The following PLA2G4B variants were observed in gnomAD, a reference collection of about 807,000 sequenced individuals.
The protein encoded by PLA2G4B is cytosolic phospholipase A2 beta.
PLA2G4B carries 122 observed loss-of-function variants against 95.8 expected under a neutral mutation model. The observed-to-expected ratio is 1.27, with a 90% CI of 1.10 to 1.48. The LOEUF (loss-of-function observed/expected upper bound fraction) is 1.48. PLA2G4B is among the 40% of genes most tolerant of loss of function. The pLI, the probability that PLA2G4B is intolerant of heterozygous loss-of-function variation, is 0.00. For synonymous variants in PLA2G4B, 518 were observed against 421.5 expected (o/e 1.23, Z -2.80); for missense variants, 1,158 against 996.2 (o/e 1.16, Z -2.19).
chr15:41,841,463 G>T (rs2065430832), intron 6 of PLA2G4B, 54 bp from the exon 7 acceptor site: 7 of 1,613,378 alleles, frequency 4.3e-6, no homozygotes, highest in Non-Finnish European at 5.9e-6. Flanking sequence ...GCGAGGGTGG[G>T]GTCCCTGAAT....
At chr15:41,844,819 C>T (rs751666131) in intron 12 of PLA2G4B, 29 bp from the exon 13 acceptor site, 1 of 1,577,498 alleles carries the variant, frequency 6.3e-7, no homozygotes, top group Non-Finnish European at 8.6e-7. Context: ...CAGTGACAGC[C>T]CTCTGGCTTT....
In PLA2G4B at chr15:41,846,226, A is replaced by AAGAT. The variant is rs2065541251; in HGVS notation, c.1628_1631dup (p.Glu544AspfsTer13). 1.2e-6 allele frequency: 2 copies of AAGAT among 1,613,982 alleles called. No individual in the cohort carries two copies. The highest frequency in any genetic ancestry group is 8.5e-7 in the Non-Finnish European group (1 of 1,179,946). The stretch of plus-strand genomic sequence containing the variant: ...AGACAAGGAGCAGGTCCCCCTTCTG[A>AAGAT]AGATAGAAGAACCACCCTCAACAGC... On this transcript the variant is annotated frameshift_variant, in exon 17 of 20. Coordinates refer to ENST00000458483, the MANE Select transcript of PLA2G4B (RefSeq NM_001114633.2). LOFTEE classifies it high-confidence loss of function.
chr15:41,847,589 C>T (rs1173338054), intron 19 of PLA2G4B, 60 bp from the exon 20 acceptor site: 3 of 1,610,610 alleles, frequency 1.9e-6, no homozygotes, highest in Non-Finnish European at 2.5e-6. Flanking sequence ...TCCCCTGTGC[C>T]TCTCCAAACC....
At chr15:41,843,314 A>G (rs2065470431) in intron 10 of PLA2G4B, 1 of 183,602 alleles carries the variant, frequency 5.4e-6, no homozygotes, top group South Asian at 1.6e-4. Context: ...CTCAAGTTAT[A>G]TGCCTGCCTC....
intron 10 of PLA2G4B, 101 bp downstream of exon 10, chr15:41,842,692 C>T (rs1018932583): frequency 1.0e-5 from 16 of 1,524,990 alleles, no homozygotes; most frequent in Non-Finnish European, 1.4e-5. Context: ...AGCCGCCCCT[C>T]ATCCTCATGC....
At position 41,842,592 on chromosome 15, in the gene PLA2G4B, G is replaced by A; in HGVS notation, c.743+1G>A. The A allele has an allele frequency of 1.2e-6, 2 of 1,609,018 alleles. No homozygotes were observed. Among genetic ancestry groups the A allele is most frequent in the African/African-American group, 1.3e-5 (1 of 74,532 alleles). ...GAGTGGAGCTGAAAAAAGAAGCAGG[G>A]TGAGAGGCCTGGCTGGGGACTGGGC... On this transcript the variant is annotated splice_donor_variant, in intron 10 of 19. Transcript: ENST00000458483. LOFTEE classifies it high-confidence loss of function.
At position 41,840,208 on chromosome 15, in the gene PLA2G4B, T is replaced by C; in HGVS notation, c.60T>C (p.His20=). 1 of 1,613,256 alleles carries C rather than the reference T, an allele frequency of 6.2e-7. No individual in the cohort carries two copies. Among genetic ancestry groups the C allele is most frequent in the Non-Finnish European group, 8.5e-7 (1 of 1,180,008 alleles). ...TCACGGTTCGTGTCCTGCAGGCCCA[T>C]CGCCTACCCTCTAAGGACCTAGGTG... The part of the protein sequence containing the change: ...CLLTVRVLQA[H]RLPSKDLVTP... Residue 20 remains histidine, a synonymous_variant, in exon 2 of 20, where the codon CAT becomes CAC. Coordinates refer to ENST00000458483, the MANE Select transcript of PLA2G4B (RefSeq NM_001114633.2).
At chr15:41,846,444 A>G in intron 17 of PLA2G4B, 62 bp downstream of exon 17, 1 of 1,560,012 alleles carries the variant, frequency 6.4e-7, no homozygotes, top group Admixed American at 1.7e-5. Flanking sequence ...CAGTCCAGAT[A>G]CCCCTCACAG....
chr15:41,844,656 G>A (rs765657054), intron 12 of PLA2G4B, 49 bp downstream of exon 12: 6 of 1,612,220 alleles, frequency 3.7e-6, no homozygotes, highest in Non-Finnish European at 5.1e-6. Flanking sequence ...AGGGGGTGCT[G>A]GTGCCAGGGT....
At position 41,840,155 on chromosome 15, in the gene PLA2G4B, C is replaced by G. The variant is rs539537890; in HGVS notation, c.10-3C>G. On this transcript the variant is annotated splice_polypyrimidine_tract_variant and splice_region_variant and intron_variant, in intron 1 of 19. Coordinates refer to ENST00000458483, the MANE Select transcript of PLA2G4B (RefSeq NM_001114633.2). The stretch of plus-strand genomic sequence containing the variant: ...GCAGGTCTCCCCTCTCCCACCTCTG[C>G]AGGCAGAGGTGTCCAGGACCTGCCT... The G allele has an allele frequency of 1.2e-6, 2 of 1,612,762 alleles. No individual in the cohort carries two copies. The highest frequency in any genetic ancestry group is 2.7e-5 in the African/African-American group (2 of 74,922).
rs1007591907 is a variant in PLA2G4B, at chr15:41,845,026, A to G, written c.1195A>G (p.Thr399Ala). ...CCGCTTGGGCTACCCAAGCTGCTTC[A>G]CCAACCTGTGGGCCCTCATCAACGA... Reference protein sequence around the residue: ...RARLGYPSCFTNLWALINEAL... With the variant: ...RARLGYPSCFANLWALINEAL... Residue 399 changes from threonine to alanine, a missense_variant, in exon 13 of 20, where the codon ACC becomes GCC. Transcript: ENST00000458483. 19 of 1,603,196 alleles carry G rather than the reference A, an allele frequency of 1.2e-5. No homozygotes were observed. The highest frequency in any genetic ancestry group is 1.5e-5 in the Non-Finnish European group (18 of 1,175,034).
In PLA2G4B at chr15:41,840,675, A is replaced by G; in HGVS notation, c.219+15A>G. The stretch of plus-strand genomic sequence containing the variant: ...GGCAGCTCAAGGTGGGCCAGGCATC[A>G]GCGCTGACTCTACCCACATCCTCGC... On this transcript the variant is annotated intron_variant, in intron 3 of 19. Transcript: ENST00000458483. 2.5e-6 allele frequency: 4 copies of G among 1,610,714 alleles called. No homozygotes were observed. Among genetic ancestry groups the G allele is most frequent in the East Asian group, 2.2e-5 (1 of 44,840 alleles).
Position 41,846,296 on chromosome 15 carries a change from C to A in PLA2G4B, c.1694C>A (p.Pro565Gln). 1 of 1,614,080 alleles carries A rather than the reference C, an allele frequency of 6.2e-7. No homozygotes were observed. ...TTCACCGATCTTCTGACGTGGCGTC[C>A]ACTGGCCCAGGCCACACATAATTTC... ...EFFTDLLTWRPLAQATHNFLR... is the reference protein window; with the variant it reads ...EFFTDLLTWRQLAQATHNFLR... The change falls in exon 17 of 20, where the codon CCA (proline) becomes CAA (glutamine). Residue 565 changes from proline to glutamine, a missense_variant. Pro to Gln is a moderately conservative substitution (Grantham distance 76, BLOSUM62 -1). Coordinates refer to ENST00000458483, the MANE Select transcript of PLA2G4B (RefSeq NM_001114633.2).
intron 1 of PLA2G4B, 71 bp from the exon 2 acceptor site, chr15:41,840,087 C>G (rs1045967111): frequency 5.1e-6 from 8 of 1,560,436 alleles, no homozygotes; most frequent in Middle Eastern, 1.7e-4. Flanking sequence ...ACTGCTCCAG[C>G]CTCCTTTGTG....
At chr15:41,843,024 T>G in intron 10 of PLA2G4B, 1 of 170,190 alleles carries the variant, frequency 5.9e-6, no homozygotes, top group Non-Finnish European at 1.2e-5. Context: ...CTTGAGAGAG[T>G]GGCTTCTCAC....
Position 41,847,405 on chromosome 15 carries a change from C to A in PLA2G4B, c.2016C>A (p.Pro672=), listed in dbSNP as rs745941020. Residue 672 remains proline (P), a synonymous_variant, in exon 19 of 20, where the codon CCC becomes CCA. Coordinates refer to ENST00000458483, the MANE Select transcript of PLA2G4B (RefSeq NM_001114633.2). ...CGTTCCCACCCATCTCGCCCAGCCC[C>A]GAAGAGCAGCTCCAGCCTCGGGAGT... is the stretch of plus-strand genomic sequence containing the variant. ...GIPFPPISPS[P]EEQLQPRECH... 1.2e-6 allele frequency: 2 copies of A among 1,613,068 alleles called. No individual in the cohort carries two copies.
In PLA2G4B at chr15:41,846,746, A is replaced by G. The variant is rs981437972; in HGVS notation, c.1858A>G (p.Ile620Val). The change falls in exon 18 of 20, where the codon ATC (isoleucine) becomes GTC (valine). Residue 620 changes from isoleucine to valine, a missense_variant. Coordinates refer to ENST00000458483, the MANE Select transcript of PLA2G4B (RefSeq NM_001114633.2). ...HLCLLDVGYLINTSCLPLLQP... is the reference protein window; with the variant it reads ...HLCLLDVGYLVNTSCLPLLQP... Reference sequence around the variant, plus strand: ...GTGCCTGCTGGATGTTGGCTACCTCATCAATACCAGCTGCCTGCCCCTCCT... The same window carrying G: ...GTGCCTGCTGGATGTTGGCTACCTCGTCAATACCAGCTGCCTGCCCCTCCT... 1 of 1,613,876 alleles carries G rather than the reference A, an allele frequency of 6.2e-7. No homozygotes were observed. The highest frequency in any genetic ancestry group is 8.5e-7 in the Non-Finnish European group (1 of 1,179,948).
intron 4 of PLA2G4B, 31 bp from the exon 5 acceptor site, chr15:41,841,024 C>T: frequency 6.4e-7 from 1 of 1,569,044 alleles, no homozygotes. Flanking sequence ...CCTTCTGACC[C>T]TTTCTAACTT....
rs1318784547 is a variant in PLA2G4B at position 41,841,057 on chromosome 15, T to C, written c.354T>C (p.Gly118=). The stretch of plus-strand genomic sequence containing the variant: ...CTTACTTCTGGCTCTCTTCCCAGGG[T>C]GAGGGGCGCCTGGAAGTTGAATTTC... ...RRESFSLSPQ[G]EGRLEVEFRL... Residue 118 remains glycine (G), a splice_region_variant and synonymous_variant, in exon 5 of 20, where the codon GGT becomes GGC. Coordinates refer to ENST00000458483, the MANE Select transcript of PLA2G4B (RefSeq NM_001114633.2). 2 of 1,578,654 alleles carry C rather than the reference T, an allele frequency of 1.3e-6. No individual in the cohort carries two copies. The highest frequency in any genetic ancestry group is 1.2e-5 in the South Asian group (1 of 85,264).
Sources: gnomAD v4.1 joint callset for allele counts on GRCh38, gnomAD v4.1.1 for gene constraint, MANE v1.5 for transcripts, NCBI Gene and HGNC (gene_info 2026-07-23, HGNC 2026-07-21) for gene names.